The following L3MBTL3 variants were observed in gnomAD, a reference collection of about 807,000 sequenced individuals.
L3MBTL3 encodes lethal(3)malignant brain tumor-like protein 3.
A neutral mutation model predicts 102.3 loss-of-function variants in L3MBTL3; 27 were observed. That is an observed-to-expected ratio of 0.26 (90% CI 0.19 to 0.36). The LOEUF (loss-of-function observed/expected upper bound fraction) is 0.36, where lower values mean the gene tolerates loss of function less well. Among genes scored for constraint, L3MBTL3 ranks in the 10% least tolerant of loss-of-function variants. The pLI is 1.00. For synonymous variants in L3MBTL3, 340 were observed against 320.9 expected (o/e 1.06, Z -0.64); for missense variants, 798 against 955.3 (o/e 0.84, Z 2.17).
rs71678245 is a variant in L3MBTL3 at position 130,048,967 on chromosome 6, C to CACACACACACATACAT, written c.103-312_103-311insCACACACATACATACA. ...ACACACACACACACACACACACACA[C>CACACACACACATACAT]ACATACACACACAAAGTGTGTTTGA... On this transcript the variant is annotated intron_variant, in intron 3 of 22. Coordinates refer to ENST00000361794, the MANE Select transcript of L3MBTL3 (RefSeq NM_032438.4). 4.0e-5 allele frequency among the ~76,000 whole-genome samples: 6 copies of CACACACACACATACAT among 150,566 alleles called. No individual in the cohort carries two copies. The East Asian group carries it at 7.9e-4, about 20-fold the overall frequency.
chr6:130,123,819 C>T (rs1188704499), intron 20 of L3MBTL3, among the ~76,000 whole-genome samples: 2 of 152,092 alleles, frequency 1.3e-5, no homozygotes, highest in Non-Finnish European at 2.9e-5. Flanking sequence ...TGGTCCGAAA[C>T]CAAGGCTTAT....
At chr6:130,134,192 T>A (rs1035193316) in intron 22 of L3MBTL3, among the ~76,000 whole-genome samples, 1 of 152,204 alleles carries the variant, frequency 6.6e-6, no homozygotes, top group African/African-American at 2.4e-5. Flanking sequence ...CATGCATTTA[T>A]ATAGTTTATA....
chr6:130,107,205 C>T (rs772033029), intron 19 of L3MBTL3, among the ~76,000 whole-genome samples: 1 of 32,700 alleles, frequency 3.1e-5, no homozygotes, highest in Non-Finnish European at 9.2e-5. Context: ...ATAGGTTGAA[C>T]TGTATCTTCT....
At chr6:130,051,792 A>C (rs1781111637) in intron 6 of L3MBTL3, among the ~76,000 whole-genome samples, 2 of 152,368 alleles carry the variant, frequency 1.3e-5, no homozygotes, top group South Asian at 2.1e-4. Flanking sequence ...AACTCGGTTA[A>C]AACTCCACCT....
chr6:130,043,409 C>T (rs1359835035), intron 3 of L3MBTL3, among the ~76,000 whole-genome samples: 2 of 152,164 alleles, frequency 1.3e-5, no homozygotes, highest in East Asian at 3.8e-4. Context: ...TAACCTTGCC[C>T]TGCCTCCTTT....
At chr6:130,098,472 A>G (rs1784488355) in intron 18 of L3MBTL3, among the ~76,000 whole-genome samples, 1 of 152,248 alleles carries the variant, frequency 6.6e-6, no homozygotes, top group African/African-American at 2.4e-5. Flanking sequence ...CAGAGCATTC[A>G]TAATGAGGTA....
At chr6:130,122,172 C>T (rs1786268361) in intron 20 of L3MBTL3, among the ~76,000 whole-genome samples, 1 of 152,046 alleles carries the variant, frequency 6.6e-6, no homozygotes, top group South Asian at 2.1e-4. Flanking sequence ...TCCCTGGGGA[C>T]TTTGCTTTTC....
At chr6:130,080,917 CT>C (rs1216203676) in intron 14 of L3MBTL3, among the ~76,000 whole-genome samples, 3 of 152,168 alleles carry the variant, frequency 2.0e-5, no homozygotes, top group Admixed American at 2.0e-4. Context: ...TTTCTCTGAT[CT>C]GTTTTCTCTA....
chr6:130,067,400 C>T (rs1782332787), intron 11 of L3MBTL3, among the ~76,000 whole-genome samples: 1 of 152,164 alleles, frequency 6.6e-6, no homozygotes, highest in South Asian at 2.1e-4. Context: ...AGGTGTAAGC[C>T]ACCGTGCCCG....
Position 130,120,922 on chromosome 6 carries a change from A to C in L3MBTL3, c.1930A>C (p.Thr644Pro), listed in dbSNP as rs141990019. The C allele has an allele frequency of 2.3e-4, 369 of 1,612,776 alleles. No individual in the cohort carries two copies. Among genetic ancestry groups the C allele is most frequent in the Non-Finnish European group, 2.9e-4 (340 of 1,179,278 alleles). The change falls in exon 20 of 23, where the codon ACA (threonine) becomes CCA (proline). Residue 644 changes from threonine (T) to proline (P), a missense_variant. Physicochemically the swap from Thr to Pro is conservative, Grantham distance 38. Around this residue, in one of 4 missense-constraint regions of L3MBTL3, gnomAD observed 306 missense variants for 314.4 expected, o/e 0.97. Coordinates refer to ENST00000361794, the MANE Select transcript of L3MBTL3 (RefSeq NM_032438.4). The part of the protein sequence containing the change: ...DDVKEDFEER[T>P]ESEMRTSHEA... ...TGTCAAAGAAGACTTTGAAGAGAGA[A>C]CAGAAAGTGAAATGAGAACATCACA...
intron 22 of L3MBTL3, among the ~76,000 whole-genome samples, chr6:130,136,834 T>G (rs1787736939): frequency 6.6e-6 from 1 of 152,150 alleles, no homozygotes; most frequent in African/African-American, 2.4e-5. Flanking sequence ...GCCACACTGG[T>G]CTTGAACTCC....
chr6:130,098,516 C>G (rs1784490257), intron 18 of L3MBTL3, among the ~76,000 whole-genome samples: 1 of 152,134 alleles, frequency 6.6e-6, no homozygotes, highest in Non-Finnish European at 1.5e-5. Flanking sequence ...TTACTTTTTG[C>G]TGATGTTCTT....
chr6:130,020,758 G>C (rs547211157), intron 1 of L3MBTL3: 1,539 of 151,104 alleles, frequency 0.01, 12 homozygotes, highest in Non-Finnish European at 0.014. Flanking sequence ...TTTTTGAGGG[G>C]ACCCGAAAAA....
chr6:130,088,499 A>C (rs1380259044), intron 16 of L3MBTL3, among the ~76,000 whole-genome samples: 2 of 152,236 alleles, frequency 1.3e-5, no homozygotes, highest in Non-Finnish European at 2.9e-5. Flanking sequence ...AAATCAACTC[A>C]AGTAAAATCA....
At chr6:130,109,361 A>G (rs1785203390) in intron 19 of L3MBTL3, among the ~76,000 whole-genome samples, 1 of 152,172 alleles carries the variant, frequency 6.6e-6, no homozygotes, top group Non-Finnish European at 1.5e-5. Flanking sequence ...CATCCTCTCC[A>G]GCATCTGTTG....
chr6:130,065,257 T>C (rs192653632), intron 10 of L3MBTL3, among the ~76,000 whole-genome samples: 6 of 152,312 alleles, frequency 3.9e-5, no homozygotes, highest in Admixed American at 3.9e-4. Context: ...TTGGCAAATA[T>C]ACCTCCGGAC....
intron 11 of L3MBTL3, 86 bp from the exon 12 acceptor site, chr6:130,068,244 C>T: frequency 3.1e-6 from 2 of 654,166 alleles, no homozygotes; most frequent in Non-Finnish European, 5.5e-6. Flanking sequence ...TTGATTTTGG[C>T]ATGTTAGAGA....
chr6:130,038,415 A>G (rs1009171535), intron 2 of L3MBTL3, among the ~76,000 whole-genome samples: 4 of 151,790 alleles, frequency 2.6e-5, no homozygotes, highest in African/African-American at 4.8e-5. Context: ...CTTTCTCTGC[A>G]TCCTCACCTG....
intron 10 of L3MBTL3, among the ~76,000 whole-genome samples, chr6:130,061,955 A>G (rs1480228551): frequency 3.3e-5 from 5 of 152,194 alleles, no homozygotes; most frequent in African/African-American, 7.2e-5. Context: ...CTCAAGGAGC[A>G]TGAGGGAATT....
Sources: gnomAD v4.1 joint callset for allele counts (sites outside exome capture counted in the v4.1 genomes callset) on GRCh38, gnomAD v4.1.1 for gene constraint, gnomAD v4.1.1 regional missense constraint, MANE v1.5 for transcripts, NCBI Gene and HGNC (gene_info 2026-07-23, HGNC 2026-07-21) for gene names.